The following CRISPLD2 variants were observed in gnomAD, a reference collection of about 807,000 sequenced individuals.
CRISPLD2 encodes the protein cysteine-rich secretory protein LCCL domain-containing 2.
CRISPLD2 carries 47 observed loss-of-function variants against 71.1 expected under a neutral mutation model. The ratio of observed to expected loss-of-function variants is 0.66; its 90% CI spans 0.52 to 0.84. The LOEUF (loss-of-function observed/expected upper bound fraction) is 0.84. CRISPLD2 is among the 40% of genes least tolerant of loss of function. The probability of loss-of-function intolerance (pLI) is 0.00; values close to 1 mark genes in which losing one functional copy is unlikely to be tolerated. For missense variants in CRISPLD2, 830 were observed against 651.1 expected (o/e 1.27, Z -2.99); for synonymous variants, 317 against 250.1 (o/e 1.27, Z -2.52).
At chr16:84,853,936 C>T (rs190623829) in intron 5 of CRISPLD2, among the ~76,000 whole-genome samples, 73 of 152,352 alleles carry the variant, frequency 4.8e-4, no homozygotes, top group Non-Finnish European at 7.6e-4. Flanking sequence ...GCCCAGGAGC[C>T]GCAGGAAGGG....
At chr16:84,830,618 G>T (rs1373500859) in intron 1 of CRISPLD2, among the ~76,000 whole-genome samples, 2 of 151,988 alleles carry the variant, frequency 1.3e-5, no homozygotes, top group African/African-American at 4.8e-5. Flanking sequence ...CAGGAGAATT[G>T]CTTGAACCCA....
intron 10 of CRISPLD2, 31 bp downstream of exon 10, chr16:84,873,153 A>T: frequency 6.3e-7 from 1 of 1,598,280 alleles, no homozygotes; most frequent in Middle Eastern, 1.7e-4. Flanking sequence ...GCTCTGTGAA[A>T]CGGTTTTCCT....
intron 2 of CRISPLD2, among the ~76,000 whole-genome samples, chr16:84,843,605 G>C (rs557013962): frequency 2.0e-5 from 3 of 152,306 alleles, no homozygotes; most frequent in East Asian, 1.9e-4. Flanking sequence ...CTTTCTCATA[G>C]GGTTGTTTGG....
At position 84,906,811 on chromosome 16, in the gene CRISPLD2, CTGAAG is replaced by C; in HGVS notation, c.*170_*174del. The C allele has an allele frequency of 1.3e-6, 1 of 782,738 alleles. No homozygotes were observed. The highest frequency in any genetic ancestry group is 2.2e-6 in the Non-Finnish European group (1 of 457,060). 48.5% of individuals were successfully genotyped at this position (782,738 alleles called of 1,614,324 possible). ...GGTGAGGTGACATCTCATCCCCTCA[CTGAAG>C]CAACAGCATCCCAAGGTGCTCAGCC... On this transcript the variant is annotated 3_prime_UTR_variant, in exon 15 of 15. Transcript: ENST00000262424.
At chr16:84,891,777 A>G (rs1467102154) in intron 14 of CRISPLD2, among the ~76,000 whole-genome samples, 2 of 151,914 alleles carry the variant, frequency 1.3e-5, no homozygotes, top group East Asian at 3.9e-4. Context: ...GAGGGCAGGG[A>G]TGGAGAGAAG....
Position 84,854,715 on chromosome 16 carries a change from G to C in CRISPLD2, c.609-14G>C. 6.2e-7 allele frequency: 1 copy of C among 1,606,912 alleles called. No homozygotes were observed. The highest frequency in any genetic ancestry group is 8.5e-7 in the Non-Finnish European group (1 of 1,173,476). The stretch of plus-strand genomic sequence containing the variant: ...GTGGTTCCCTCTGACGGTTGTTTTT[G>C]GGTCTGTCCTCAGGGGGAACTGGAT... On this transcript the variant is annotated splice_polypyrimidine_tract_variant and intron_variant, in intron 5 of 14. Coordinates refer to ENST00000262424, the MANE Select transcript of CRISPLD2 (RefSeq NM_031476.4).
chr16:84,882,023 A>G (rs2071572834), intron 13 of CRISPLD2, among the ~76,000 whole-genome samples: 1 of 152,176 alleles, frequency 6.6e-6, no homozygotes, highest in South Asian at 2.1e-4. Flanking sequence ...ATTGAGTTAT[A>G]AGAGTTAGAA....
At chr16:84,905,264 A>G (rs1450519745) in intron 14 of CRISPLD2, among the ~76,000 whole-genome samples, 1 of 152,214 alleles carries the variant, frequency 6.6e-6, no homozygotes. Context: ...TTGTGTCTAA[A>G]ACAATTTTTA....
At position 84,850,582 on chromosome 16, in the gene CRISPLD2, C is replaced by T. The variant is rs764053728; in HGVS notation, c.507C>T (p.Thr169=). The T allele has an allele frequency of 5.6e-6, 9 of 1,614,134 alleles. No homozygotes were observed. The highest frequency in any genetic ancestry group is 5.0e-5 in the Admixed American group (3 of 60,004). ...CTHYTQIVWA[T]TNKIGCAVNT... ...CATCTTTTCAGATAGTTTGGGCCAC[C>T]ACCAACAAGATCGGTTGTGCTGTGA... is the stretch of plus-strand genomic sequence containing the variant. The change falls in exon 5 of 15, where the codon ACC becomes ACT. Residue 169 remains threonine (T), a synonymous_variant. Coordinates refer to ENST00000262424, the MANE Select transcript of CRISPLD2 (RefSeq NM_031476.4).
intron 1 of CRISPLD2, chr16:84,828,412 G>A (rs138391526): frequency 2.0e-5 from 3 of 152,344 alleles, no homozygotes; most frequent in African/African-American, 7.2e-5. Context: ...TTAGAGGCTT[G>A]AGGAAGTTGA....
intron 14 of CRISPLD2, among the ~76,000 whole-genome samples, chr16:84,896,127 C>G (rs1305614924): frequency 6.6e-6 from 1 of 151,856 alleles, no homozygotes; most frequent in Non-Finnish European, 1.5e-5. Flanking sequence ...CAACCTCTGC[C>G]TCCTGGGTTC....
chr16:84,837,713 G>T (rs945117531), intron 1 of CRISPLD2, among the ~76,000 whole-genome samples: 2 of 152,150 alleles, frequency 1.3e-5, no homozygotes, highest in Admixed American at 6.5e-5. Flanking sequence ...CACCGCCCCC[G>T]GCCAGCCACA....
intron 14 of CRISPLD2, among the ~76,000 whole-genome samples, chr16:84,899,499 C>A (rs747249354): frequency 1.3e-5 from 2 of 152,204 alleles, no homozygotes; most frequent in African/African-American, 4.8e-5. Context: ...GCATGAACAA[C>A]TGGGGACACT....
intron 2 of CRISPLD2, among the ~76,000 whole-genome samples, chr16:84,842,951 G>A (rs532307057): frequency 1.3e-5 from 2 of 152,272 alleles, no homozygotes; most frequent in Non-Finnish European, 2.9e-5. Flanking sequence ...GGAGCAGGCT[G>A]GGTTCATGCT....
intron 13 of CRISPLD2, 23 bp from the exon 14 acceptor site, chr16:84,889,207 C>G: frequency 6.2e-7 from 1 of 1,613,920 alleles, no homozygotes; most frequent in Non-Finnish European, 8.5e-7. Flanking sequence ...CATCGCTGAT[C>G]ACAGCCCTTC....
intron 1 of CRISPLD2, among the ~76,000 whole-genome samples, chr16:84,831,990 C>T (rs1916500211): frequency 6.6e-6 from 1 of 152,268 alleles, no homozygotes. Flanking sequence ...CCACCTTGGC[C>T]TCCCAACGTT....
intron 14 of CRISPLD2, among the ~76,000 whole-genome samples, chr16:84,901,986 G>A (rs756401807): frequency 6.0e-5 from 9 of 151,110 alleles, no homozygotes; most frequent in Non-Finnish European, 1.0e-4. Flanking sequence ...TTTTGGTAGC[G>A]ATGGGGTTTC....
At chr16:84,838,913 G>C (rs1313206022) in intron 2 of CRISPLD2, 178 bp downstream of exon 2, 12 of 850,442 alleles carry the variant, frequency 1.4e-5, no homozygotes, top group Non-Finnish European at 2.3e-5. Flanking sequence ...TTTTGAGACA[G>C]GGTCTCACTC....
intron 14 of CRISPLD2, among the ~76,000 whole-genome samples, chr16:84,898,616 C>T (rs1182603824): frequency 6.6e-6 from 1 of 152,204 alleles, no homozygotes; most frequent in Non-Finnish European, 1.5e-5. Context: ...TGACTCATCA[C>T]CTTCTGAAAC....
Sources: allele counts gnomAD v4.1 joint callset (sites outside exome capture counted in the v4.1 genomes callset), GRCh38; gene constraint gnomAD v4.1.1; transcripts MANE v1.5; gene names NCBI Gene and HGNC (gene_info 2026-07-23, HGNC 2026-07-21).